The following NOVA1 variants were observed in gnomAD, a reference collection of about 807,000 sequenced individuals.
The protein encoded by NOVA1 is NOVA alternative splicing regulator 1, also known as RNA-binding protein Nova-1.
A neutral mutation model predicts 38.0 loss-of-function variants in NOVA1; 7 were observed. That is an observed-to-expected ratio of 0.18 (90% confidence interval 0.10 to 0.35). The LOEUF (loss-of-function observed/expected upper bound fraction) is 0.35. Among genes scored for constraint, NOVA1 ranks in the 10% least tolerant of loss-of-function variants. The probability of loss-of-function intolerance (pLI) is 1.00; values close to 1 mark genes in which losing one functional copy is unlikely to be tolerated. For synonymous variants in NOVA1, 270 were observed against 232.5 expected, an observed-to-expected ratio of 1.16 and a Z score of -1.47; for missense variants, 460 against 616.0, an observed-to-expected ratio of 0.75 and a Z score of 2.68.
chr14:26,458,725 T>G (rs1292334972), intron 4 of NOVA1, among the ~76,000 whole-genome samples: 1 of 152,032 alleles, frequency 6.6e-6, no homozygotes, highest in African/African-American at 2.4e-5. Context: ...CTATGCTCAC[T>G]ATTTGGGATC....
chr14:26,514,841 TG>T (rs1271059788), intron 2 of NOVA1, among the ~76,000 whole-genome samples: 1 of 152,040 alleles, frequency 6.6e-6, no homozygotes, highest in East Asian at 1.9e-4. Flanking sequence ...TATATACATT[TG>T]TTTTATATAT....
At chr14:26,586,088 AG>A (rs1893498461) in intron 2 of NOVA1, among the ~76,000 whole-genome samples, 1 of 151,402 alleles carries the variant, frequency 6.6e-6, no homozygotes, top group African/African-American at 2.4e-5. Context: ...GCAGGCAAGA[AG>A]GATGCCATAA....
intron 2 of NOVA1, among the ~76,000 whole-genome samples, chr14:26,497,759 G>T (rs1886927631): frequency 6.6e-6 from 1 of 152,076 alleles, no homozygotes; most frequent in Non-Finnish European, 1.5e-5. Flanking sequence ...CAAGTAAGGA[G>T]TACAAATCAA....
chr14:26,576,967 A>G (rs1892893078), intron 2 of NOVA1, among the ~76,000 whole-genome samples: 1 of 151,892 alleles, frequency 6.6e-6, no homozygotes, highest in Non-Finnish European at 1.5e-5. Flanking sequence ...ACTTATTCAT[A>G]CTACATAGCT....
chr14:26,527,939 G>A (rs1456098043), intron 2 of NOVA1, among the ~76,000 whole-genome samples: 1 of 152,124 alleles, frequency 6.6e-6, no homozygotes, highest in African/African-American at 2.4e-5. Flanking sequence ...TCTCAAAGAA[G>A]AAACTAAAAA....
intron 2 of NOVA1, among the ~76,000 whole-genome samples, chr14:26,520,593 C>T (rs928854058): frequency 6.6e-6 from 1 of 152,032 alleles, no homozygotes; most frequent in African/African-American, 2.4e-5. Flanking sequence ...ATCGCATTGC[C>T]GGACCTAAGC....
At chr14:26,590,436 T>G (rs1893774048) in intron 2 of NOVA1, among the ~76,000 whole-genome samples, 2 of 152,016 alleles carry the variant, frequency 1.3e-5, no homozygotes, top group Non-Finnish European at 2.9e-5. Context: ...CAGTTAAAAA[T>G]TCTATGGTCA....
At chr14:26,471,261 A>G (rs1465969912) in intron 4 of NOVA1, among the ~76,000 whole-genome samples, 1 of 152,020 alleles carries the variant, frequency 6.6e-6, no homozygotes, top group Non-Finnish European at 1.5e-5. Context: ...CAGGTTGCAA[A>G]AGTATTAGGA....
At chr14:26,562,722 G>A (rs1385692295) in intron 2 of NOVA1, among the ~76,000 whole-genome samples, 1 of 152,074 alleles carries the variant, frequency 6.6e-6, no homozygotes, top group African/African-American at 2.4e-5. Context: ...TAATGTTAGC[G>A]CTGAATACTG....
chr14:26,557,534 T>TA (rs1340043889), intron 2 of NOVA1, among the ~76,000 whole-genome samples: 10 of 151,428 alleles, frequency 6.6e-5, no homozygotes, highest in Non-Finnish European at 1.3e-4. Context: ...GCTAATTTTT[T>TA]TTTTTTTTTT....
At chr14:26,527,304 C>T (rs7154811) in intron 2 of NOVA1, among the ~76,000 whole-genome samples, 51,560 of 151,856 alleles carry the variant, frequency 0.34, 10,500 homozygotes, top group African/African-American at 0.57. Context: ...TAGTTGCAGG[C>T]TGTACAAGTC....
In NOVA1 at chr14:26,449,551, T is replaced by C. The variant is rs1594312159; in HGVS notation, c.520-588A>G. On this transcript the variant is annotated intron_variant, in intron 4 of 4. Transcript: ENST00000539517. ...TCAGAGATAAAGGTCAGTAAAATTA[T>C]TAGCATTTTCATTTAAACTCACATA... 2.0e-5 allele frequency among the ~76,000 whole-genome samples: 3 copies of C among 152,240 alleles called. No individual in the cohort carries two copies. The East Asian group carries it at 5.8e-4, about 29-fold the overall frequency.
intron 2 of NOVA1, among the ~76,000 whole-genome samples, chr14:26,510,597 A>C (rs1220501527): frequency 1.3e-5 from 2 of 152,176 alleles, no homozygotes; most frequent in African/African-American, 4.8e-5. Context: ...GCATTAAAAG[A>C]CAAATAAAGA....
chr14:26,524,905 G>A (rs1889189594), intron 2 of NOVA1, among the ~76,000 whole-genome samples: 2 of 152,120 alleles, frequency 1.3e-5, no homozygotes, highest in Non-Finnish European at 2.9e-5. Context: ...AATCTGGGTA[G>A]CAGTTTTGTA....
chr14:26,579,584 TATTTA>T (rs1198422009), intron 2 of NOVA1, among the ~76,000 whole-genome samples: 1 of 152,198 alleles, frequency 6.6e-6, no homozygotes, highest in Non-Finnish European at 1.5e-5. Flanking sequence ...ATGTAAGTAA[TATTTA>T]ATTTACTATA....
intron 2 of NOVA1, among the ~76,000 whole-genome samples, chr14:26,494,660 C>T (rs1445478708): frequency 2.6e-5 from 4 of 152,166 alleles, no homozygotes; most frequent in Admixed American, 6.5e-5. Flanking sequence ...CTACTCTCTT[C>T]CCAGGATGAT....
intron 3 of NOVA1, among the ~76,000 whole-genome samples, chr14:26,478,431 A>G (rs999582942): frequency 4.6e-5 from 7 of 152,018 alleles, no homozygotes; most frequent in Non-Finnish European, 7.4e-5. Context: ...ATTTTCTCAC[A>G]GAAATTACAA....
At chr14:26,480,384 A>C (rs1258804579) in intron 2 of NOVA1, among the ~76,000 whole-genome samples, 1 of 152,160 alleles carries the variant, frequency 6.6e-6, no homozygotes, top group Non-Finnish European at 1.5e-5. Flanking sequence ...GATCCAGAGA[A>C]GTTGTGAACA....
At chr14:26,506,002 A>G (rs964004450) in intron 2 of NOVA1, among the ~76,000 whole-genome samples, 73 of 152,188 alleles carry the variant, frequency 4.8e-4, no homozygotes, top group Non-Finnish European at 9.1e-4. Flanking sequence ...ATTTAAAGAA[A>G]TTAATTTAAA....
Sources: allele counts gnomAD v4.1 joint callset (sites outside exome capture counted in the v4.1 genomes callset), GRCh38; gene constraint gnomAD v4.1.1; transcripts MANE v1.5; gene names NCBI Gene and HGNC (gene_info 2026-07-23, HGNC 2026-07-21).